Variants in MANBA observed in about 807,000 individuals in gnomAD.
MANBA encodes beta-mannosidase.
MANBA carries 83 observed loss-of-function variants against 111.1 expected under a neutral mutation model. That is an observed-to-expected ratio of 0.75 (90% CI 0.63 to 0.90). The LOEUF is 0.90. MANBA is among the 40% of genes least tolerant of loss of function. The pLI, the probability that MANBA is intolerant of heterozygous loss-of-function variation, is 0.00. For missense variants in MANBA, 1,036 were observed against 1,069.0 expected (o/e 0.97, Z 0.43); for synonymous variants, 370 against 378.7 (o/e 0.98, Z 0.27).
At chr4:102,700,176 T>A (rs1179594946) in intron 5 of MANBA, among the ~76,000 whole-genome samples, 1 of 150,510 alleles carries the variant, frequency 6.6e-6, no homozygotes, top group African/African-American at 2.4e-5. Context: ...CTGATGGTAG[T>A]TTGTATTTCT....
intron 1 of MANBA, among the ~76,000 whole-genome samples, chr4:102,736,857 T>C (rs761118270): frequency 6.6e-6 from 1 of 152,168 alleles, no homozygotes; most frequent in Non-Finnish European, 1.5e-5. Context: ...GGTTTGCCAC[T>C]GCAAATTCTG....
rs1312379571 is a variant in MANBA at position 102,690,773 on chromosome 4, T to C, written c.674-2A>G. On this transcript the variant is annotated splice_acceptor_variant, in intron 5 of 16. Transcript: ENST00000647097. LOFTEE classifies it high-confidence loss of function. The stretch of plus-strand genomic sequence containing the variant: ...GATTCCACTCCTGGGCACTCTTATC[T>C]AAAATATAAAAAGAAAAAGAAATAT... 6.5e-6 allele frequency: 9 copies of C among 1,381,194 alleles called. No homozygotes were observed. The highest frequency in any genetic ancestry group is 6.9e-6 in the Non-Finnish European group (7 of 1,021,766). 85.6% of individuals were successfully genotyped at this position (1,381,194 alleles called of 1,614,324 possible). A position where few individuals can be genotyped will look rare whatever the true frequency, so the allele number is the denominator to read the frequency against.
intron 7 of MANBA, among the ~76,000 whole-genome samples, chr4:102,677,014 T>G (rs577525693): frequency 1.6e-4 from 24 of 152,242 alleles, no homozygotes; most frequent in Non-Finnish European, 2.8e-4. Context: ...ATCATTTTAA[T>G]ATCCTGCATT....
intron 5 of MANBA, among the ~76,000 whole-genome samples, chr4:102,691,520 T>G (rs530183366): frequency 6.6e-6 from 1 of 151,062 alleles, no homozygotes; most frequent in Non-Finnish European, 1.5e-5. Flanking sequence ...TTTCCTTTTT[T>G]TTTTTTTTTT....
At chr4:102,698,658 G>C (rs1481457130) in intron 5 of MANBA, among the ~76,000 whole-genome samples, 2 of 151,880 alleles carry the variant, frequency 1.3e-5, no homozygotes, top group Admixed American at 6.6e-5. Flanking sequence ...TCAAAGATCA[G>C]ATAGTTGTAG....
intron 15 of MANBA, 102 bp from the exon 16 acceptor site, chr4:102,635,147 G>C (rs915430497): frequency 5.2e-6 from 7 of 1,348,226 alleles, no homozygotes; most frequent in Non-Finnish European, 7.3e-6. Context: ...AGCAGAAATG[G>C]TTAAGAGACT....
intron 4 of MANBA, among the ~76,000 whole-genome samples, chr4:102,714,930 A>G (rs1401836999): frequency 6.6e-6 from 1 of 152,144 alleles, no homozygotes; most frequent in Non-Finnish European, 1.5e-5. Context: ...TTTTATCTTA[A>G]TCACCCCTTA....
intron 7 of MANBA, among the ~76,000 whole-genome samples, chr4:102,688,643 A>T (rs1196684480): frequency 6.6e-6 from 1 of 152,026 alleles, no homozygotes; most frequent in African/African-American, 2.4e-5. Flanking sequence ...ATATGCCATG[A>T]CTCTTATAAG....
At chr4:102,683,365 G>A (rs754078529) in intron 7 of MANBA, among the ~76,000 whole-genome samples, 4 of 152,142 alleles carry the variant, frequency 2.6e-5, no homozygotes, top group East Asian at 1.9e-4. Context: ...AGGAGCAAAC[G>A]TACACAGCAA....
rs548694680 is a variant in MANBA, at chr4:102,751,985, C to G, written c.177+8733G>C. 3 of 723,746 alleles carry G rather than the reference C, an allele frequency of 4.1e-6. No homozygotes were observed. In the Admixed American group the frequency reaches 5.3e-5, roughly 13 times the overall value. 44.8% of individuals were successfully genotyped at this position (723,746 alleles called of 1,614,324 possible). On this transcript the variant is annotated intron_variant, in intron 1 of 16. Transcript: ENST00000647097. ...CATGCTGGAAGTGCAGAGTCTATAG[C>G]TGTTGATAGCTCAGGAACTAAATTT... is the stretch of plus-strand genomic sequence containing the variant.
At position 102,646,896 on chromosome 4, in the gene MANBA, C is replaced by A. The variant is rs529169106; in HGVS notation, c.1869+3641G>T. Among the ~76,000 whole-genome samples the A allele has an allele frequency of 6.0e-4, 92 of 152,168 alleles. 1 individual carries two copies. Among genetic ancestry groups the A allele is most frequent in the African/African-American group, 2.1e-3 (89 of 41,538 alleles). ...AAGAGAAGATAGGGAAGGATCCAAACGTGAAGAAATTTACTGGACAGTTTT... is the reference window on the plus strand; with the variant it reads ...AAGAGAAGATAGGGAAGGATCCAAAAGTGAAGAAATTTACTGGACAGTTTT... On this transcript the variant is annotated intron_variant, in intron 13 of 16. Coordinates refer to ENST00000647097, the MANE Select transcript of MANBA (RefSeq NM_005908.4).
intron 14 of MANBA, among the ~76,000 whole-genome samples, chr4:102,636,961 G>T (rs771453086): frequency 3.3e-5 from 5 of 152,118 alleles, no homozygotes; most frequent in Non-Finnish European, 7.4e-5. Context: ...ATGGGGGCAG[G>T]TCTTTCCTAT....
In MANBA at chr4:102,719,574, C is replaced by T. The variant is rs77784769; in HGVS notation, c.549+3297G>A. Among the ~76,000 whole-genome samples the T allele has an allele frequency of 1.6e-3, 240 of 152,284 alleles. 6 individuals are homozygous for T. In the East Asian group the frequency reaches 0.04, roughly 26 times the overall value. Reference sequence around the variant, plus strand: ...TAAAGACCCCACTAACTTCATATAACCTAAGCTGAGCATCTTGTTCATTAC... The same window carrying T: ...TAAAGACCCCACTAACTTCATATAATCTAAGCTGAGCATCTTGTTCATTAC... On this transcript the variant is annotated intron_variant, in intron 4 of 16. Transcript: ENST00000647097.
intron 2 of MANBA, 109 bp downstream of exon 2, chr4:102,726,480 C>T: frequency 2.9e-6 from 2 of 684,514 alleles, no homozygotes. Flanking sequence ...CAAAACAAAA[C>T]AAAACATACA....
At chr4:102,677,225 G>A (rs1731768446) in intron 7 of MANBA, among the ~76,000 whole-genome samples, 1 of 152,156 alleles carries the variant, frequency 6.6e-6, no homozygotes, top group Non-Finnish European at 1.5e-5. Flanking sequence ...GAAAATGAAT[G>A]GAGTGAGCCT....
rs373770670 is a variant in MANBA, at chr4:102,726,526, G to T, written c.272+63C>A. On this transcript the variant is annotated intron_variant, in intron 2 of 16. Transcript: ENST00000647097. ...AAAACAAACAAAACACAACATTTTT[G>T]CCCAGATAGAAAAAGAAGAAAAGTT... 1.6e-4 allele frequency: 135 copies of T among 855,770 alleles called. 1 individual carries two copies. Among genetic ancestry groups the T allele is most frequent in the East Asian group, 1.2e-3 (50 of 40,768 alleles). 53.0% of individuals were successfully genotyped at this position (855,770 alleles called of 1,614,324 possible). A position where few individuals can be genotyped will look rare whatever the true frequency, so the allele number is the denominator to read the frequency against.
At chr4:102,670,208 C>G (rs916621223) in intron 9 of MANBA, among the ~76,000 whole-genome samples, 1 of 150,244 alleles carries the variant, frequency 6.7e-6, no homozygotes, top group South Asian at 2.1e-4. Context: ...CTGTCTGAGT[C>G]GGAATTTCAT....
rs376678463 is a variant in MANBA at position 102,657,735 on chromosome 4, A to G, written c.1651T>C (p.Phe551Leu). 1 of 1,613,932 alleles carries G rather than the reference A, an allele frequency of 6.2e-7. No homozygotes were observed. The highest frequency in any genetic ancestry group is 8.5e-7 in the Non-Finnish European group (1 of 1,179,844). The change falls in exon 12 of 17, where the codon TTT becomes CTT. Residue 551 changes from phenylalanine (F) to leucine (L), a missense_variant. Phe to Leu is a conservative substitution (Grantham distance 22). Coordinates refer to ENST00000647097, the MANE Select transcript of MANBA (RefSeq NM_005908.4). ...WNWKVFPKAR[F>L]ASEYGYQSWP... ...GACTGATATCCATATTCAGATGCAA[A>G]TCGAGCTTTTGGGAAAACTTTCCAG...
intron 10 of MANBA, chr4:102,665,674 T>C (rs1011250036): frequency 2.0e-5 from 3 of 152,260 alleles, no homozygotes; most frequent in African/African-American, 7.2e-5. Flanking sequence ...GATTCAGACA[T>C]GTCCCTTCTT....
Sources: allele counts gnomAD v4.1 joint callset (sites outside exome capture counted in the v4.1 genomes callset), GRCh38; gene constraint gnomAD v4.1.1; transcripts MANE v1.5; gene names NCBI Gene and HGNC (gene_info 2026-07-23, HGNC 2026-07-21).